Variants in C2orf74 observed in about 807,000 individuals in gnomAD.
C2orf74 encodes uncharacterized protein C2orf74.
C2orf74 carries 14 observed loss-of-function variants against 17.9 expected under a neutral mutation model. The observed-to-expected ratio is 0.78, with a 90% CI of 0.52 to 1.22. The LOEUF (loss-of-function observed/expected upper bound fraction) is 1.22, where lower values mean the gene tolerates loss of function less well. Ranked by LOEUF, C2orf74 falls within the 50% of genes most tolerant of loss-of-function variation. The pLI is 0.00. For missense variants in C2orf74, 217 were observed against 218.4 expected, an observed-to-expected ratio of 0.99 and a Z score of 0.04; for synonymous variants, 79 against 72.6, an observed-to-expected ratio of 1.09 and a Z score of -0.44.
intron 4 of C2orf74, 96 bp from the exon 5 acceptor site, chr2:61,164,258 G>A: frequency 1.0e-6 from 1 of 997,362 alleles, no homozygotes; most frequent in East Asian, 2.9e-5. Context: ...TGCTTTTTCT[G>A]TTTCTCGTTA....
chr2:61,149,230 G>C (rs1333731730), intron 1 of C2orf74, among the ~76,000 whole-genome samples: 1 of 152,182 alleles, frequency 6.6e-6, no homozygotes, highest in Non-Finnish European at 1.5e-5. Context: ...TGGGGGATTA[G>C]AGTCGGGAGA....
intron 4 of C2orf74, 128 bp from the exon 5 acceptor site, chr2:61,164,226 A>C: frequency 1.5e-6 from 1 of 689,404 alleles, no homozygotes; most frequent in Non-Finnish European, 2.3e-6. Flanking sequence ...GATTATTGCT[A>C]CTTTCCTATA....
In C2orf74 at chr2:61,164,530, C is replaced by T. The variant is rs138706998; in HGVS notation, c.*3C>T. ...GAGAACATAAAGAGAGGAAATGAAG[C>T]TCAAAAAAGGGTAAGAGTGAAAGAA... On this transcript the variant is annotated 3_prime_UTR_variant, in exon 5 of 5. Coordinates refer to ENST00000432605, the MANE Select transcript of C2orf74 (RefSeq NM_001143959.4). 1.7e-3 allele frequency: 2,582 copies of T among 1,500,226 alleles called. 1 individual carries two copies. The highest frequency in any genetic ancestry group is 4.8e-3 in the Admixed American group (193 of 40,476). 92.9% of individuals were successfully genotyped at this position (1,500,226 alleles called of 1,614,324 possible).
chr2:61,162,921 A>C lies in C2orf74; in HGVS notation c.175A>C (p.Lys59Gln), dbSNP rs1685609338. ...CGGAGGTGTAGACTGTGCAGCTGCC[A>C]AAGTGGTGACAAGCAATCCAGAGGA... Reference protein sequence around the residue: ...ANGGVDCAAAKVVTSNPEDHE... With the variant: ...ANGGVDCAAAQVVTSNPEDHE... The change falls in exon 3 of 5, where the codon AAA (lysine) becomes CAA (glutamine). Residue 59 changes from lysine to glutamine, a missense_variant. Lys to Gln is a moderately conservative substitution (Grantham distance 53). Coordinates refer to ENST00000432605, the MANE Select transcript of C2orf74 (RefSeq NM_001143959.4). The C allele has an allele frequency of 6.4e-7, 1 of 1,552,578 alleles. No individual in the cohort carries two copies. The highest frequency in any genetic ancestry group is 8.7e-7 in the Non-Finnish European group (1 of 1,147,158).
rs186226753 is a variant in C2orf74 at position 61,145,908 on chromosome 2, T to G, written c.-122+712T>G. 5.3e-5 allele frequency among the ~76,000 whole-genome samples: 8 copies of G among 152,234 alleles called. No individual in the cohort carries two copies. In the East Asian group the frequency reaches 1.5e-3, roughly 29 times the overall value. On this transcript the variant is annotated intron_variant, in intron 1 of 3. Coordinates refer to the C2orf74 transcript ENST00000426997. ...AACATTGAAACGTTTGGTAATATAC[T>G]CAATATAGGAGGGTGTCAGGAAAAC...
At chr2:61,163,951 G>A (rs571491342) in intron 4 of C2orf74, among the ~76,000 whole-genome samples, 2 of 152,130 alleles carry the variant, frequency 1.3e-5, no homozygotes, top group South Asian at 4.1e-4. Flanking sequence ...GGCCCAGACC[G>A]CAGCCCCCTG....
chr2:61,156,386 A>G (rs1199386539), intron 1 of C2orf74, among the ~76,000 whole-genome samples: 1 of 152,138 alleles, frequency 6.6e-6, no homozygotes, highest in Admixed American at 6.5e-5. Flanking sequence ...AAAAAAGAAA[A>G]CAAAAATCAA....
At chr2:61,160,246 C>T (rs760060058), upstream of C2orf74, among the ~76,000 whole-genome samples, 9 of 152,114 alleles carry the variant, frequency 5.9e-5, no homozygotes, top group Non-Finnish European at 1.2e-4. Context: ...CTGCGACCTC[C>T]GCCTCCTGGG....
Position 61,146,168 on chromosome 2 carries a change from C to T in C2orf74, c.-122+972C>T, listed in dbSNP as rs539231896. On this transcript the variant is annotated intron_variant, in intron 1 of 3. Transcript: ENST00000426997. ...AAGACTGATATTATAAACTACAGTACATACACACAATGGAACATTATGCAG... is the reference window on the plus strand; with the variant it reads ...AAGACTGATATTATAAACTACAGTATATACACACAATGGAACATTATGCAG... Among the ~76,000 whole-genome samples, 11 of 152,306 alleles carry T rather than the reference C, an allele frequency of 7.2e-5. No homozygotes were observed. The East Asian group carries it at 9.6e-4, about 13-fold the overall frequency.
At chr2:61,149,377 C>A (rs1437837604) in intron 1 of C2orf74, among the ~76,000 whole-genome samples, 2 of 152,020 alleles carry the variant, frequency 1.3e-5, no homozygotes, top group East Asian at 3.9e-4. Flanking sequence ...TCGTTCTATT[C>A]CACAGCTGCC....
At chr2:61,158,416 G>A (rs934954965), upstream of C2orf74, among the ~76,000 whole-genome samples, 2 of 152,178 alleles carry the variant, frequency 1.3e-5, no homozygotes, top group Non-Finnish European at 2.9e-5. Context: ...ATAGGGCAAG[G>A]GGTTGGGATA....
At chr2:61,156,416 C>A (rs1685393164) in intron 1 of C2orf74, among the ~76,000 whole-genome samples, 1 of 148,350 alleles carries the variant, frequency 6.7e-6, no homozygotes. Flanking sequence ...TATTTGGAGC[C>A]AAAAAAAACA....
At chr2:61,161,222 T>C (rs1477222842), upstream of C2orf74, among the ~76,000 whole-genome samples, 1 of 152,246 alleles carries the variant, frequency 6.6e-6, no homozygotes, top group Non-Finnish European at 1.5e-5. Flanking sequence ...AGAAATGTCT[T>C]GAAATCCTTT....
chr2:61,146,441 A>T (rs578043658), intron 1 of C2orf74, among the ~76,000 whole-genome samples: 58 of 152,342 alleles, frequency 3.8e-4, no homozygotes, highest in African/African-American at 1.3e-3. Context: ...AGACTTCTCA[A>T]TGTATTCCTC....
At chr2:61,153,284 AT>A (rs1336269147) in intron 1 of C2orf74, among the ~76,000 whole-genome samples, 6 of 151,680 alleles carry the variant, frequency 4.0e-5, no homozygotes, top group Non-Finnish European at 8.9e-5. Context: ...TGTGAAATTT[AT>A]TTATTTATTT....
At chr2:61,160,460 C>A (rs1476505702), upstream of C2orf74, among the ~76,000 whole-genome samples, 1 of 151,546 alleles carries the variant, frequency 6.6e-6, no homozygotes, top group African/African-American at 2.4e-5. Context: ...GCGCCCAGCC[C>A]GGAATTTCAT....
In C2orf74 at chr2:61,152,430, AC is replaced by A. The variant is rs1043194487; in HGVS notation, c.-122+7235del. ...GTGGTGGGCACCTGTAGTCCCAGCT[AC>A]TCAGGAGGCTGAGGCAGGAGAATGG... On this transcript the variant is annotated intron_variant, in intron 1 of 3. Transcript: ENST00000426997. Among the ~76,000 whole-genome samples the A allele has an allele frequency of 3.9e-4, 60 of 152,068 alleles. 1 individual carries two copies. Among genetic ancestry groups the A allele is most frequent in the African/African-American group, 1.4e-3 (59 of 41,490 alleles).
upstream of C2orf74, among the ~76,000 whole-genome samples, chr2:61,160,645 A>C (rs1315139290): frequency 2.0e-5 from 3 of 151,724 alleles, no homozygotes; most frequent in Non-Finnish European, 4.4e-5. Flanking sequence ...AGTAGCTAGG[A>C]TTACAGGTGT....
chr2:61,154,893 TAA>T (rs1338924156), intron 1 of C2orf74, among the ~76,000 whole-genome samples: 3 of 141,230 alleles, frequency 2.1e-5, no homozygotes, highest in African/African-American at 5.2e-5. Context: ...CATCTCTACT[TAA>T]AAAAAAAAAA....
Sources: allele counts gnomAD v4.1 joint callset (sites outside exome capture counted in the v4.1 genomes callset), GRCh38; gene constraint gnomAD v4.1.1; transcripts MANE v1.5; gene names NCBI Gene and HGNC (gene_info 2026-07-23, HGNC 2026-07-21).